The following PREP variants were observed in gnomAD, a reference collection of about 807,000 sequenced individuals.
PREP encodes the protein dJ355L5.1 (prolyl endopeptidase).
PREP carries 29 observed loss-of-function variants against 87.6 expected under a neutral mutation model. The ratio of observed to expected loss-of-function variants is 0.33; its 90% CI spans 0.25 to 0.45. PREP has a LOEUF of 0.45. Ranked by LOEUF, PREP falls within the 20% of genes least tolerant of loss-of-function variation. PREP has a pLI of 1.00. For missense variants in PREP, 695 were observed against 886.5 expected (o/e 0.78, Z 2.74); for synonymous variants, 337 against 328.6 (o/e 1.03, Z -0.28).
In PREP at chr6:105,277,449, A is replaced by AAAAG. The variant is rs1769968045; in HGVS notation, c.*691_*694dup. ...ATTTTTGAAAGGAGGCATCCAAACC[A>AAAAG]AAAGAGCCCCAGATCAGATTTTTAC... On this transcript the variant is annotated 3_prime_UTR_variant, in exon 15 of 15. Coordinates refer to ENST00000652536, the MANE Select transcript of PREP (RefSeq NM_002726.5). 1 of 152,198 alleles carries AAAAG rather than the reference A, an allele frequency of 6.6e-6. No homozygotes were observed. The highest frequency in any genetic ancestry group is 2.4e-5 in the African/African-American group (1 of 41,436). 9.4% of individuals were successfully genotyped at this position (152,198 alleles called of 1,614,324 possible). A position where few individuals can be genotyped will look rare whatever the true frequency, so the allele number is the denominator to read the frequency against.
chr6:105,337,118 C>T (rs192565293), intron 7 of PREP, among the ~76,000 whole-genome samples: 4 of 152,194 alleles, frequency 2.6e-5, no homozygotes, highest in Admixed American at 1.3e-4. Flanking sequence ...TTACCGTATT[C>T]GTTTTTCACT....
chr6:105,310,201 T>C (rs1562194894), intron 10 of PREP, among the ~76,000 whole-genome samples: 1 of 152,330 alleles, frequency 6.6e-6, no homozygotes, highest in South Asian at 2.1e-4. Context: ...AGCCAGGGAT[T>C]GTATTTTTCT....
At chr6:105,322,943 C>A in intron 10 of PREP, 1 of 1,242,684 alleles carries the variant, frequency 8.0e-7, no homozygotes. Flanking sequence ...AAACAATGTT[C>A]TGATTCCTAA....
At chr6:105,311,694 C>T (rs1380481238) in intron 10 of PREP, among the ~76,000 whole-genome samples, 2 of 152,216 alleles carry the variant, frequency 1.3e-5, no homozygotes, top group African/African-American at 2.4e-5. Context: ...CCAGTGTTTA[C>T]AACAATGCTT....
At chr6:105,400,918 T>G (rs1388044510) in intron 1 of PREP, among the ~76,000 whole-genome samples, 4 of 152,170 alleles carry the variant, frequency 2.6e-5, no homozygotes, top group African/African-American at 9.7e-5. Context: ...GGCTACCATT[T>G]AAGCAAATAC....
At chr6:105,353,737 A>T (rs1352320678) in intron 6 of PREP, among the ~76,000 whole-genome samples, 1 of 143,796 alleles carries the variant, frequency 7.0e-6, no homozygotes, top group Non-Finnish European at 1.5e-5. Flanking sequence ...GTGCCACTGC[A>T]CTCCAGCCTG....
chr6:105,350,359 A>G (rs1314929329), intron 7 of PREP, among the ~76,000 whole-genome samples: 1 of 151,962 alleles, frequency 6.6e-6, no homozygotes, highest in Non-Finnish European at 1.5e-5. Context: ...ATTAAGGGAG[A>G]GAAAAAAAAA....
intron 8 of PREP, among the ~76,000 whole-genome samples, chr6:105,330,743 T>C (rs1249024820): frequency 6.6e-6 from 1 of 152,270 alleles, no homozygotes; most frequent in Admixed American, 6.5e-5. Flanking sequence ...TTTAGGATGC[T>C]AGAATTTACC....
intron 7 of PREP, among the ~76,000 whole-genome samples, chr6:105,340,311 G>A (rs565345579): frequency 3.3e-4 from 51 of 152,292 alleles, no homozygotes; most frequent in African/African-American, 1.1e-3. Context: ...AAGTGAAGGA[G>A]AAAGAAAATC....
In PREP at chr6:105,294,752, G is replaced by A. The variant is rs144725088; in HGVS notation, c.1318-5858C>T. Reference sequence around the variant, plus strand: ...CTGAATTTCTTCTGCAAAGAACTAGGACAACCCACCTTGTAGCTCCAACTT... The same window carrying A: ...CTGAATTTCTTCTGCAAAGAACTAGAACAACCCACCTTGTAGCTCCAACTT... On this transcript the variant is annotated intron_variant, in intron 10 of 14. Transcript: ENST00000652536. Among the ~76,000 whole-genome samples, 957 of 152,284 alleles carry A rather than the reference G, an allele frequency of 6.3e-3. 4 individuals carry two copies. The highest frequency in any genetic ancestry group is 0.031 in the Middle Eastern group (9 of 294).
intron 5 of PREP, among the ~76,000 whole-genome samples, chr6:105,370,956 T>A (rs1772523579): frequency 6.6e-6 from 1 of 152,242 alleles, no homozygotes. Context: ...CATGTCACTA[T>A]ACATTTGTTC....
chr6:105,288,325 G>A (rs1269169438), intron 11 of PREP, among the ~76,000 whole-genome samples: 3 of 152,108 alleles, frequency 2.0e-5, no homozygotes, highest in Non-Finnish European at 4.4e-5. Flanking sequence ...AATCCTGCCC[G>A]TCTATGAAAA....
chr6:105,392,260 G>C (rs1382006325), intron 2 of PREP, among the ~76,000 whole-genome samples: 6 of 151,926 alleles, frequency 3.9e-5, no homozygotes, highest in Non-Finnish European at 5.9e-5. Flanking sequence ...GGATGGTCTC[G>C]ATCTCCTGAC....
intron 2 of PREP, among the ~76,000 whole-genome samples, chr6:105,396,761 C>T (rs1250477296): frequency 1.3e-5 from 2 of 151,800 alleles, no homozygotes; most frequent in African/African-American, 4.8e-5. Flanking sequence ...GGATGCTGAA[C>T]ATATCAGAAA....
At chr6:105,344,491 C>CAAA (rs35275950) in intron 7 of PREP, among the ~76,000 whole-genome samples, 14 of 103,402 alleles carry the variant, frequency 1.4e-4, no homozygotes, top group South Asian at 6.3e-4. Flanking sequence ...GACTCCGTCT[C>CAAA]AAAAAAAAAA....
At chr6:105,345,983 A>G (rs978205996) in intron 7 of PREP, among the ~76,000 whole-genome samples, 1 of 152,246 alleles carries the variant, frequency 6.6e-6, no homozygotes, top group South Asian at 2.1e-4. Flanking sequence ...AATTAGTATA[A>G]ATACTCATTT....
intron 6 of PREP, among the ~76,000 whole-genome samples, chr6:105,361,890 G>A (rs769247044): frequency 1.3e-5 from 2 of 152,122 alleles, no homozygotes; most frequent in Non-Finnish European, 2.9e-5. Flanking sequence ...ATACAGGGGA[G>A]CCATAAGCAC....
At chr6:105,316,976 T>A (rs1770889429) in intron 10 of PREP, among the ~76,000 whole-genome samples, 1 of 151,244 alleles carries the variant, frequency 6.6e-6, no homozygotes, top group Non-Finnish European at 1.5e-5. Context: ...TTTTTTTTTT[T>A]AGAGATAGGG....
intron 2 of PREP, among the ~76,000 whole-genome samples, chr6:105,395,830 C>T (rs1456331828): frequency 6.6e-6 from 1 of 152,248 alleles, no homozygotes; most frequent in Admixed American, 6.5e-5. Context: ...GTGAAGAAAT[C>T]ATCAGGTCCT....
Sources: gnomAD v4.1 joint callset for allele counts (sites outside exome capture counted in the v4.1 genomes callset) on GRCh38, gnomAD v4.1.1 for gene constraint, MANE v1.5 for transcripts, NCBI Gene and HGNC (gene_info 2026-07-23, HGNC 2026-07-21) for gene names.